HDAC4: variants seen among roughly 807,000 people sequenced by gnomAD.
The protein encoded by HDAC4 is histone deacetylase A.
HDAC4 carries 16 observed loss-of-function variants against 135.1 expected under a neutral mutation model. The ratio of observed to expected loss-of-function variants is 0.12; its 90% CI spans 0.08 to 0.18. The LOEUF is 0.18. Ranked by LOEUF, HDAC4 falls within the 10% of genes least tolerant of loss-of-function variation. The pLI, the probability that HDAC4 is intolerant of heterozygous loss-of-function variation, is 1.00. For missense variants in HDAC4, 1,143 were observed against 1,511.8 expected (o/e 0.76, Z 4.05); for synonymous variants, 685 against 653.4 (o/e 1.05, Z -0.74).
At chr2:239,064,392 A>G (rs1574876100) in intron 24 of HDAC4, among the ~76,000 whole-genome samples, 1 of 152,150 alleles carries the variant, frequency 6.6e-6, no homozygotes, top group East Asian at 1.9e-4. Context: ...CTTCTGGCGC[A>G]GGGGGAGACC....
intron 2 of HDAC4, among the ~76,000 whole-genome samples, chr2:239,332,994 A>C (rs973441535): frequency 3.9e-5 from 6 of 152,176 alleles, no homozygotes; most frequent in Non-Finnish European, 7.4e-5. Context: ...AAAACTAAAC[A>C]CACAAAAACT....
intron 2 of HDAC4, among the ~76,000 whole-genome samples, chr2:239,282,454 C>T (rs2050840274): frequency 7.0e-6 from 1 of 142,758 alleles, no homozygotes; most frequent in African/African-American, 2.7e-5. Flanking sequence ...TCTCAATGTA[C>T]ATACCACTCT....
At chr2:239,149,850 C>G (rs2042000549) in intron 7 of HDAC4, among the ~76,000 whole-genome samples, 2 of 152,062 alleles carry the variant, frequency 1.3e-5, no homozygotes, top group South Asian at 4.1e-4. Flanking sequence ...ATCCCGCCTG[C>G]TCGTGGAGGG....
At chr2:239,208,885 CTT>C (rs200214450) in intron 3 of HDAC4, among the ~76,000 whole-genome samples, 5,059 of 152,208 alleles carry the variant, frequency 0.033, 128 homozygotes, top group South Asian at 0.055. Context: ...TATTGAAAGA[CTT>C]TTTTTCTTTG....
rs1389874686 is a variant in HDAC4, at chr2:239,082,219, G to A, written c.2535C>T (p.Asp845=). 4.3e-6 allele frequency: 7 copies of A among 1,614,112 alleles called. No individual in the cohort carries two copies. The highest frequency in any genetic ancestry group is 1.6e-4 in the Middle Eastern group (1 of 6,084). ...GCTGGGTCCCGTTTCCATGGTGCACGTCCTTAAAGAGCAGGGACAACTACT... is the reference window on the plus strand; with the variant it reads ...GCTGGGTCCCGTTTCCATGGTGCACATCCTTAAAGAGCAGGGACAACTACT... ...SVSKILIVDW[D]VHHGNGTQQA... The change falls in exon 21 of 27, where the codon GAC becomes GAT. Residue 845 remains aspartate (D), a splice_region_variant and synonymous_variant. Coordinates refer to ENST00000543185, the MANE Select transcript of HDAC4 (RefSeq NM_001378414.1).
At chr2:239,393,885 T>TG (rs1696388448) in intron 1 of HDAC4, among the ~76,000 whole-genome samples, 1 of 152,170 alleles carries the variant, frequency 6.6e-6, no homozygotes, top group African/African-American at 2.4e-5. Flanking sequence ...ACCTAGTACT[T>TG]GGGCTGGGGT....
intron 22 of HDAC4, among the ~76,000 whole-genome samples, chr2:239,076,537 AAC>A (rs753624603): frequency 3.9e-5 from 6 of 152,242 alleles, no homozygotes; most frequent in Non-Finnish European, 7.3e-5. Context: ...ACCTTCCGTC[AAC>A]ACAAGCCTCA....
At chr2:239,111,738 G>C in intron 13 of HDAC4, 26 bp from the exon 14 acceptor site, 18 of 1,570,196 alleles carry the variant, frequency 1.1e-5, no homozygotes, top group Non-Finnish European at 1.6e-5. Flanking sequence ...GGCCGTGTTG[G>C]CGGTTGCGGA....
At chr2:239,378,726 A>G (rs77708263) in intron 1 of HDAC4, among the ~76,000 whole-genome samples, 7,644 of 152,050 alleles carry the variant, frequency 0.05, 397 homozygotes, top group African/African-American at 0.13. Context: ...CAATAACCCC[A>G]GGAACCAATG....
chr2:239,198,791 A>T (rs576545077), intron 3 of HDAC4, among the ~76,000 whole-genome samples: 1 of 152,046 alleles, frequency 6.6e-6, no homozygotes, highest in Non-Finnish European at 1.5e-5. Flanking sequence ...TTTATCTTTC[A>T]TGAGAAATTC....
intron 19 of HDAC4, 75 bp downstream of exon 19, chr2:239,087,484 C>A (rs2152710337): frequency 1.4e-6 from 2 of 1,442,762 alleles, no homozygotes; most frequent in Non-Finnish European, 9.6e-7. Flanking sequence ...CAGTCACTCA[C>A]ACACCCACCC....
Position 239,352,600 on chromosome 2 carries a change from A to C in HDAC4, c.22+78T>G. 1 of 1,360,278 alleles carries C rather than the reference A, an allele frequency of 7.4e-7. No individual in the cohort carries two copies. Among genetic ancestry groups the C allele is most frequent in the East Asian group, 2.5e-5 (1 of 39,994 alleles). The allele number at this position is 1,360,278 out of a possible 1,614,324, so 84.3% of individuals were successfully genotyped here. Reference sequence around the variant, plus strand: ...ACAAAAGTCTCAAATCCAGAAAGCAAGCTGCAGTCACAAGAACTTCTACTT... The same window carrying C: ...ACAAAAGTCTCAAATCCAGAAAGCACGCTGCAGTCACAAGAACTTCTACTT... On this transcript the variant is annotated intron_variant, in intron 2 of 26. Coordinates refer to ENST00000543185, the MANE Select transcript of HDAC4 (RefSeq NM_001378414.1). The surrounding 1 kb of genome is among the most constrained non-coding windows in gnomAD (Gnocchi z 4.4).
At position 239,285,128 on chromosome 2, in the gene HDAC4, C is replaced by T. The variant is rs557318504; in HGVS notation, c.23-48464G>A. On this transcript the variant is annotated intron_variant, in intron 2 of 26. Coordinates refer to ENST00000543185, the MANE Select transcript of HDAC4 (RefSeq NM_001378414.1). This position sits in a 1 kb window ranked among gnomAD's most constrained non-coding sequence, Gnocchi z 4.5. Reference sequence around the variant, plus strand: ...CTACCTTCATGGCAACCTGGAAGGCCAGGTTCAAAGTTCAAAGTTCAAAGA... The same window carrying T: ...CTACCTTCATGGCAACCTGGAAGGCTAGGTTCAAAGTTCAAAGTTCAAAGA... 3.9e-5 allele frequency among the ~76,000 whole-genome samples: 6 copies of T among 152,230 alleles called. No individual in the cohort carries two copies. Among genetic ancestry groups the T allele is most frequent in the African/African-American group, 1.4e-4 (6 of 41,518 alleles).
At position 239,090,093 on chromosome 2, in the gene HDAC4, G is replaced by A. The variant is rs372519097; in HGVS notation, c.2304C>T (p.Asn768=). Residue 768 remains asparagine (N), a synonymous_variant, in exon 18 of 27, where the codon AAC becomes AAT. Coordinates refer to ENST00000543185, the MANE Select transcript of HDAC4 (RefSeq NM_001378414.1). ...GGGCTGCCCCCGCCGAGTGCACCTC[G>A]TTCCATATGGTGTCACTGTCCACCT... ...GVGVDSDTIW[N]EVHSAGAARL... 1.4e-4 allele frequency: 225 copies of A among 1,613,292 alleles called. No homozygotes were observed. Among genetic ancestry groups the A allele is most frequent in the Non-Finnish European group, 1.5e-4 (178 of 1,179,710 alleles).
At chr2:239,319,302 G>A (rs562876591) in intron 2 of HDAC4, among the ~76,000 whole-genome samples, 113 of 152,364 alleles carry the variant, frequency 7.4e-4, no homozygotes, top group African/African-American at 2.5e-3. Context: ...CCCGTTAGCT[G>A]CTGGAAGGAA....
chr2:239,313,529 C>T lies in HDAC4; in HGVS notation c.22+39149G>A, dbSNP rs80266061. 0.02 allele frequency among the ~76,000 whole-genome samples: 2,971 copies of T among 152,164 alleles called. 95 individuals are homozygous for T. Among genetic ancestry groups the T allele is most frequent in the African/African-American group, 0.068 (2,819 of 41,482 alleles). On this transcript the variant is annotated intron_variant, in intron 2 of 26. Coordinates refer to ENST00000543185, the MANE Select transcript of HDAC4 (RefSeq NM_001378414.1). The surrounding 1 kb of genome is among the most constrained non-coding windows in gnomAD (Gnocchi z 5.1). ...TCCTAACCTCACGAGAGGTGATGAC[C>T]GGAATCATCCCAGTTTTCCATGGCA...
chr2:239,156,153 GC>G (rs747903647), intron 7 of HDAC4, among the ~76,000 whole-genome samples: 1 of 152,196 alleles, frequency 6.6e-6, no homozygotes, highest in Non-Finnish European at 1.5e-5. Context: ...ATAACTCTGA[GC>G]CCAGCTGGGA....
intron 22 of HDAC4, among the ~76,000 whole-genome samples, chr2:239,078,629 G>A (rs2035002549): frequency 6.6e-6 from 1 of 152,216 alleles, no homozygotes; most frequent in African/African-American, 2.4e-5. Context: ...ACACTTGGCA[G>A]GAGATTAAAG....
chr2:239,112,061 A>G (rs1447365276), intron 13 of HDAC4, among the ~76,000 whole-genome samples: 1 of 152,108 alleles, frequency 6.6e-6, no homozygotes, highest in Non-Finnish European at 1.5e-5. Context: ...GGTATCAAGG[A>G]GGGCTTCTCT....
Sources: allele counts gnomAD v4.1 joint callset (sites outside exome capture counted in the v4.1 genomes callset), GRCh38; gene constraint gnomAD v4.1.1; non-coding constraint Gnocchi (gnomAD v3.1); transcripts MANE v1.5; gene names NCBI Gene and HGNC (gene_info 2026-07-23, HGNC 2026-07-21).